Variants in ARHGAP29 observed in about 807,000 individuals in gnomAD.
ARHGAP29 encodes rho GTPase-activating protein 29.
ARHGAP29 carries 43 observed loss-of-function variants against 122.6 expected under a neutral mutation model. That is an observed-to-expected ratio of 0.35 (90% CI 0.27 to 0.45). The LOEUF is 0.45. Ranked by LOEUF, ARHGAP29 falls within the 20% of genes least tolerant of loss-of-function variation. ARHGAP29 has a pLI of 1.00. For synonymous variants in ARHGAP29, 506 were observed against 497.1 expected, an observed-to-expected ratio of 1.02 and a Z score of -0.24; for missense variants, 1,303 against 1,477.2, an observed-to-expected ratio of 0.88 and a Z score of 1.93.
chr1:94,222,999 A>G (rs1178835291), intron 2 of ARHGAP29, among the ~76,000 whole-genome samples: 2 of 150,914 alleles, frequency 1.3e-5, no homozygotes, highest in East Asian at 3.9e-4. Flanking sequence ...GCTGGAGTGC[A>G]GTGGCGTGAT....
At position 94,184,207 on chromosome 1, in the gene ARHGAP29, T is replaced by C. The variant is rs1415505877; in HGVS notation, c.2191A>G (p.Ile731Val). The change falls in exon 19 of 23, where the codon ATT (isoleucine) becomes GTT (valine). Residue 731 changes from isoleucine to valine, a missense_variant. Coordinates refer to ENST00000260526, the MANE Select transcript of ARHGAP29 (RefSeq NM_004815.4). The part of the protein sequence containing the change: ...ALENGMHLVD[I>V]SEFSSHDICD... ...ATATCATGTGAACTAAATTCTGAAA[T>C]ATCTACCAAGTGCATTCCATTTTCC... The C allele has an allele frequency of 2.5e-6, 4 of 1,611,338 alleles. No homozygotes were observed. The highest frequency in any genetic ancestry group is 3.4e-6 in the Non-Finnish European group (4 of 1,178,990).
chr1:94,212,896 A>G (rs1320603703), intron 3 of ARHGAP29, among the ~76,000 whole-genome samples: 1 of 152,094 alleles, frequency 6.6e-6, no homozygotes, highest in Non-Finnish European at 1.5e-5. Flanking sequence ...CCAAAACCCT[A>G]TACCAACTTT....
At position 94,170,638 on chromosome 1, in the gene ARHGAP29, C is replaced by G. The variant is rs1206104193; in HGVS notation, c.*3231G>C. Among the ~76,000 whole-genome samples, 5 of 152,146 alleles carry G rather than the reference C, an allele frequency of 3.3e-5. No homozygotes were observed. Among genetic ancestry groups the G allele is most frequent in the Non-Finnish European group, 7.3e-5 (5 of 68,032 alleles). ...AATGCCCTTGTCTTAAGGAAACACA[C>G]AGTAGATAGAGGTAATAATGCAAAA... On this transcript the variant is annotated 3_prime_UTR_variant, in exon 23 of 23. Coordinates refer to ENST00000260526, the MANE Select transcript of ARHGAP29 (RefSeq NM_004815.4).
At chr1:94,182,363 T>C (rs557022914) in intron 19 of ARHGAP29, among the ~76,000 whole-genome samples, 19 of 151,932 alleles carry the variant, frequency 1.3e-4, no homozygotes, top group Non-Finnish European at 2.1e-4. Flanking sequence ...GAGTTCCAGA[T>C]GGAAAGCACA....
the ARHGAP29 span, chr1:94,302,892 C>A: frequency 0.036 from 7,609 of 208,796 alleles, 652 homozygotes; most frequent in African/African-American, 0.17. Flanking sequence ...GACACCCACT[C>A]TTCCACCTTC....
chr1:94,223,588 A>T (rs1483391758), intron 2 of ARHGAP29, among the ~76,000 whole-genome samples: 1 of 152,032 alleles, frequency 6.6e-6, no homozygotes, highest in Non-Finnish European at 1.5e-5. Flanking sequence ...TTGGCCACTA[A>T]AAAAAACTAT....
At chr1:94,280,982 G>A in the ARHGAP29 span, among the ~76,000 whole-genome samples, 2 of 152,000 alleles carry the variant, frequency 1.3e-5, no homozygotes, top group African/African-American at 4.8e-5. Flanking sequence ...GAATTTCTAG[G>A]GGTCACTTCC....
chr1:94,184,940 G>A lies in ARHGAP29; in HGVS notation c.2041C>T (p.Pro681Ser). Residue 681 changes from proline (P) to serine (S), a missense_variant, in exon 18 of 23, where the codon CCA becomes TCA. By Grantham distance (74) the Pro-to-Ser change is moderately conservative. Coordinates refer to ENST00000260526, the MANE Select transcript of ARHGAP29 (RefSeq NM_004815.4). Reference sequence around the variant, plus strand: ...TTGAGTATAAAAGGGATACCATCTGGTTCCTTTTTTGCAACTTGTGTGAAT... The same window carrying A: ...TTGAGTATAAAAGGGATACCATCTGATTCCTTTTTTGCAACTTGTGTGAAT... Reference protein sequence around the residue: ...AEFTQVAKKEPDGIPFILKIC... With the variant: ...AEFTQVAKKESDGIPFILKIC... 6.2e-7 allele frequency: 1 copy of A among 1,613,410 alleles called. No individual in the cohort carries two copies. The highest frequency in any genetic ancestry group is 8.5e-7 in the Non-Finnish European group (1 of 1,179,688).
At chr1:94,301,698 T>G in the ARHGAP29 span, among the ~76,000 whole-genome samples, 2 of 152,262 alleles carry the variant, frequency 1.3e-5, no homozygotes, top group African/African-American at 4.8e-5. Context: ...AGGTGCTGGA[T>G]AATCAAAAAC....
At chr1:94,268,151 A>G (rs566973924) in intron 1 of ARHGAP29, among the ~76,000 whole-genome samples, 2 of 152,274 alleles carry the variant, frequency 1.3e-5, no homozygotes, top group African/African-American at 4.8e-5. Context: ...TTCATTTTGA[A>G]TATAGCCCTT....
rs1649183652 is a variant in ARHGAP29 at position 94,177,702 on chromosome 1, T to G, written c.2815A>C (p.Ser939Arg). ...GCTCGTTCAAAAATTTTGCTTTCAC[T>G]CTCTGAAGTATGGATATCCTGTTGA... ...SSKEDIHTSE[S>R]ESKIFERATS... is the part of the protein sequence containing the mutation. The change falls in exon 22 of 23, where the codon AGT (serine) becomes CGT (arginine). Residue 939 changes from serine to arginine, a missense_variant. Physicochemically the swap from Ser to Arg is moderately radical, Grantham distance 110. Around this residue, in one of 3 missense-constraint regions of ARHGAP29, gnomAD observed 620 missense variants for 651.2 expected, o/e 0.95. Transcript: ENST00000260526. 20 of 1,612,748 alleles carry G rather than the reference T, an allele frequency of 1.2e-5. No individual in the cohort carries two copies. The East Asian group carries it at 4.5e-4, about 36-fold the overall frequency.
chr1:94,221,807 A>C (rs1336228983), intron 2 of ARHGAP29, among the ~76,000 whole-genome samples: 1 of 151,570 alleles, frequency 6.6e-6, no homozygotes, highest in Non-Finnish European at 1.5e-5. Context: ...AAGAAATGAC[A>C]CTCAGCAGCA....
intron 19 of ARHGAP29, among the ~76,000 whole-genome samples, chr1:94,182,224 C>G (rs996072292): frequency 1.3e-5 from 2 of 151,128 alleles, no homozygotes; most frequent in Non-Finnish European, 2.9e-5. Flanking sequence ...TAGTTAATAG[C>G]AAGGAAGAAA....
intron 1 of ARHGAP29, among the ~76,000 whole-genome samples, chr1:94,252,019 A>G (rs962429770): frequency 2.0e-5 from 3 of 152,250 alleles, no homozygotes; most frequent in African/African-American, 7.2e-5. Flanking sequence ...GGAATTCATC[A>G]ACGAATGAAA....
rs985529520 is a variant in ARHGAP29, at chr1:94,171,971, A to C, written c.*1898T>G. The C allele has an allele frequency of 2.0e-5, 3 of 152,230 alleles. No individual in the cohort carries two copies. The highest frequency in any genetic ancestry group is 7.2e-5 in the African/African-American group (3 of 41,464). The allele number at this position is 152,230 out of a possible 1,614,324, so 9.4% of individuals were successfully genotyped here. A position where few individuals can be genotyped will look rare whatever the true frequency, so the allele number is the denominator to read the frequency against. ...GAACTATATGCTTAAAAATGGTTCAAACAATATACTTAAAAATGGTAAATG... is the reference window on the plus strand; with the variant it reads ...GAACTATATGCTTAAAAATGGTTCACACAATATACTTAAAAATGGTAAATG... On this transcript the variant is annotated 3_prime_UTR_variant, in exon 23 of 23. Coordinates refer to ENST00000260526, the MANE Select transcript of ARHGAP29 (RefSeq NM_004815.4).
At chr1:94,314,204 C>T in the ARHGAP29 span, among the ~76,000 whole-genome samples, 1 of 152,162 alleles carries the variant, frequency 6.6e-6, no homozygotes, top group African/African-American at 2.4e-5. Flanking sequence ...ACTCTGATCC[C>T]TAACACTTAC....
intron 1 of ARHGAP29, among the ~76,000 whole-genome samples, chr1:94,264,413 C>T (rs1479838285): frequency 6.6e-6 from 1 of 152,102 alleles, no homozygotes; most frequent in African/African-American, 2.4e-5. Flanking sequence ...ACAGCCCTCC[C>T]CTACTAATCA....
intron 1 of ARHGAP29, among the ~76,000 whole-genome samples, chr1:94,243,013 T>C (rs1653659356): frequency 6.6e-6 from 1 of 152,010 alleles, no homozygotes; most frequent in African/African-American, 2.4e-5. Flanking sequence ...ATCCTGAAGG[T>C]ATCTGTACCA....
chr1:94,213,820 T>C (rs1380143244), intron 3 of ARHGAP29, among the ~76,000 whole-genome samples: 1 of 152,210 alleles, frequency 6.6e-6, no homozygotes, highest in Non-Finnish European at 1.5e-5. Flanking sequence ...TTAAATGAAC[T>C]TAGAACAGAG....
Sources: gnomAD v4.1 joint callset for allele counts (sites outside exome capture counted in the v4.1 genomes callset) on GRCh38, gnomAD v4.1.1 for gene constraint, gnomAD v4.1.1 regional missense constraint, MANE v1.5 for transcripts, NCBI Gene and HGNC (gene_info 2026-07-23, HGNC 2026-07-21) for gene names.